The following HHIP variants were observed in gnomAD, a reference collection of about 807,000 sequenced individuals.
HHIP encodes hedgehog interacting protein, also known as hedgehog-interacting protein.
HHIP carries 12 observed loss-of-function variants against 74.0 expected under a neutral mutation model. The ratio of observed to expected loss-of-function variants is 0.16; its 90% confidence interval spans 0.10 to 0.26. The LOEUF is 0.26. HHIP is among the 10% of genes least tolerant of loss of function. The probability of loss-of-function intolerance (pLI) is 1.00; values close to 1 mark genes in which losing one functional copy is unlikely to be tolerated. For synonymous variants in HHIP, 309 were observed against 311.6 expected (o/e 0.99, Z 0.09); for missense variants, 788 against 845.0 (o/e 0.93, Z 0.84).
chr4:144,718,839 T>A (rs909984288), intron 10 of HHIP, 36 bp from the exon 11 acceptor site: 1 of 1,274,710 alleles, frequency 7.8e-7, no homozygotes, highest in Non-Finnish European at 1.1e-6. Context: ...CCTCTACTGC[T>A]ATAAATTTGC....
chr4:144,719,066 AC>A (rs1487664899), intron 11 of HHIP, 110 bp downstream of exon 11: 1 of 726,494 alleles, frequency 1.4e-6, no homozygotes, highest in Non-Finnish European at 2.4e-6. Context: ...CAAGATGTAC[AC>A]TTTTACCATT....
intron 4 of HHIP, among the ~76,000 whole-genome samples, chr4:144,669,230 T>C (rs1022895674): frequency 6.6e-6 from 1 of 152,200 alleles, no homozygotes; most frequent in Non-Finnish European, 1.5e-5. Context: ...TAAAATTATC[T>C]TTGGACATTT....
At chr4:144,729,026 G>A (rs1730876262) in intron 11 of HHIP, among the ~76,000 whole-genome samples, 1 of 152,130 alleles carries the variant, frequency 6.6e-6, no homozygotes, top group African/African-American at 2.4e-5. Context: ...TCAGTGAGCA[G>A]CCAGATTAAA....
At chr4:144,658,351 GTATTTATT>G (rs139338114) in intron 2 of HHIP, among the ~76,000 whole-genome samples, 174 of 148,124 alleles carry the variant, frequency 1.2e-3, no homozygotes, top group South Asian at 4.1e-3. Flanking sequence ...TTTTTATTTA[GTATTTATT>G]TATTTATTTA....
intron 5 of HHIP, 100 bp downstream of exon 5, chr4:144,706,782 A>G (rs1287397960): frequency 1.9e-6 from 2 of 1,073,462 alleles, no homozygotes; most frequent in Non-Finnish European, 2.7e-6. Context: ...AAGTAACCAT[A>G]AGGTGGCAAT....
At chr4:144,735,624 C>T (rs1731093219) in intron 12 of HHIP, among the ~76,000 whole-genome samples, 3 of 152,054 alleles carry the variant, frequency 2.0e-5, no homozygotes, top group African/African-American at 7.2e-5. Flanking sequence ...AATCAACAAC[C>T]AGCATATACC....
intron 11 of HHIP, among the ~76,000 whole-genome samples, chr4:144,724,039 T>C (rs1730720913): frequency 6.6e-6 from 1 of 152,204 alleles, no homozygotes; most frequent in Non-Finnish European, 1.5e-5. Context: ...CCATATAGCA[T>C]CTGAAATTTT....
At chr4:144,725,154 T>TTGTC (rs1730761250) in intron 11 of HHIP, among the ~76,000 whole-genome samples, 1 of 152,210 alleles carries the variant, frequency 6.6e-6, no homozygotes, top group African/African-American at 2.4e-5. Flanking sequence ...AAAGACAGAT[T>TTGTC]TAATGTTGCA....
chr4:144,707,722 G>C (rs1002582407), intron 6 of HHIP, among the ~76,000 whole-genome samples: 1 of 144,892 alleles, frequency 6.9e-6, no homozygotes, highest in Non-Finnish European at 1.5e-5. Context: ...TCAGTTGCTT[G>C]TCTGGAACGG....
At chr4:144,658,718 T>C in intron 2 of HHIP, 72 bp from the exon 3 acceptor site, 1 of 1,300,594 alleles carries the variant, frequency 7.7e-7, no homozygotes, top group Non-Finnish European at 1.1e-6. Flanking sequence ...TTCCTCATCT[T>C]ATATCTTTCA....
rs199831060 is a variant in HHIP at position 144,708,276 on chromosome 4, C to T, written c.1266C>T (p.Pro422=). ...ACTTCAACAGCACCAACCAGCCCCC[C>T]GAAGTGTTTGCTCATGGGCTCCACG... The part of the protein sequence containing the change: ...NPHFNSTNQP[P]EVFAHGLHDP... The change falls in exon 7 of 13, where the codon CCC becomes CCT. Residue 422 remains proline, a synonymous_variant. Coordinates refer to ENST00000296575, the MANE Select transcript of HHIP (RefSeq NM_022475.3). The T allele has an allele frequency of 9.3e-6, 15 of 1,614,122 alleles. No homozygotes were observed. Among genetic ancestry groups the T allele is most frequent in the Admixed American group, 6.7e-5 (4 of 60,010 alleles).
intron 4 of HHIP, among the ~76,000 whole-genome samples, chr4:144,679,461 T>C (rs1374810741): frequency 6.6e-6 from 1 of 152,236 alleles, no homozygotes; most frequent in East Asian, 1.9e-4. Flanking sequence ...CCCATGCCTA[T>C]GTCCTGAATG....
chr4:144,674,200 C>T (rs1464415244), intron 4 of HHIP, among the ~76,000 whole-genome samples: 2 of 152,202 alleles, frequency 1.3e-5, no homozygotes, highest in African/African-American at 2.4e-5. Flanking sequence ...AAAGTACCAA[C>T]CTCGTTTCCA....
intron 1 of HHIP, among the ~76,000 whole-genome samples, chr4:144,647,704 A>C (rs542634780): frequency 1.4e-4 from 21 of 151,870 alleles, no homozygotes; most frequent in Admixed American, 5.3e-4. Context: ...AAATACTAAC[A>C]TGGTGTTTGT....
rs1398806248 is a variant in HHIP, at chr4:144,744,537, T to A, written c.*6580T>A. On this transcript the variant is annotated 3_prime_UTR_variant, in exon 13 of 13. Transcript: ENST00000296575. ...AGGTACAAGTTTAAGGGAGCAGGGCTATCATATGTACTAGGTGAGATTTCT... is the reference window on the plus strand; with the variant it reads ...AGGTACAAGTTTAAGGGAGCAGGGCAATCATATGTACTAGGTGAGATTTCT... 1 of 152,188 alleles carries A rather than the reference T, an allele frequency of 6.6e-6. No individual in the cohort carries two copies. Among genetic ancestry groups the A allele is most frequent in the African/African-American group, 2.4e-5 (1 of 41,436 alleles). The allele number at this position is 152,188 out of a possible 1,614,324, so 9.4% of individuals were successfully genotyped here.
intron 4 of HHIP, among the ~76,000 whole-genome samples, chr4:144,670,764 G>GAAAA (rs1167213848): frequency 0.02 from 1,122 of 54,734 alleles, no homozygotes; most frequent in East Asian, 0.024. Flanking sequence ...CTTAAGATTT[G>GAAAA]AAAAAAAAAA....
intron 4 of HHIP, among the ~76,000 whole-genome samples, chr4:144,682,028 C>T (rs1729362340): frequency 6.6e-6 from 1 of 152,174 alleles, no homozygotes; most frequent in African/African-American, 2.4e-5. Context: ...GAGCCATACT[C>T]ATGTTGAATT....
intron 4 of HHIP, among the ~76,000 whole-genome samples, chr4:144,696,096 A>C (rs552308114): frequency 6.6e-6 from 1 of 152,000 alleles, no homozygotes; most frequent in African/African-American, 2.4e-5. Flanking sequence ...TCTGTGCACT[A>C]TAATAGTTAT....
At chr4:144,660,518 A>G (rs900514722) in intron 4 of HHIP, among the ~76,000 whole-genome samples, 5 of 152,086 alleles carry the variant, frequency 3.3e-5, no homozygotes, top group Admixed American at 1.3e-4. Flanking sequence ...GCTCATGCCT[A>G]TTTTAGAATG....
Sources: allele counts gnomAD v4.1 joint callset (sites outside exome capture counted in the v4.1 genomes callset), GRCh38; gene constraint gnomAD v4.1.1; transcripts MANE v1.5; gene names NCBI Gene and HGNC (gene_info 2026-07-23, HGNC 2026-07-21).